GHR: variants seen among roughly 807,000 people sequenced by gnomAD.
GHR encodes GH receptor.
Under a neutral mutation model 67.1 loss-of-function variants are expected in GHR, and 35 were observed. That is an observed-to-expected ratio of 0.52 (90% CI 0.40 to 0.69). The LOEUF (loss-of-function observed/expected upper bound fraction) is 0.69. Ranked by LOEUF, GHR falls within the 30% of genes least tolerant of loss-of-function variation. GHR has a pLI of 0.00. For missense variants in GHR, 792 were observed against 764.6 expected, an observed-to-expected ratio of 1.04 and a Z score of -0.42; for synonymous variants, 272 against 269.1, an observed-to-expected ratio of 1.01 and a Z score of -0.10.
At chr5:42,670,880 A>AATATAT (rs55876651) in intron 3 of GHR, among the ~76,000 whole-genome samples, 35 of 118,188 alleles carry the variant, frequency 3.0e-4, no homozygotes, top group South Asian at 1.7e-3. Context: ...AAAAAAAAAA[A>AATATAT]ATATATATAT....
intron 3 of GHR, among the ~76,000 whole-genome samples, chr5:42,663,274 T>G (rs933060624): frequency 6.6e-6 from 1 of 152,194 alleles, no homozygotes; most frequent in Admixed American, 6.5e-5. Flanking sequence ...TACCAAAGCC[T>G]GGCAGAGACA....
intron 1 of GHR, among the ~76,000 whole-genome samples, chr5:42,564,641 G>A (rs973696579): frequency 1.3e-5 from 2 of 152,136 alleles, no homozygotes; most frequent in African/African-American, 2.4e-5. Flanking sequence ...ATTAAAGTAC[G>A]TCAAGAATTT....
At chr5:42,634,521 GCACACA>G (rs10684580) in intron 3 of GHR, among the ~76,000 whole-genome samples, 1 of 148,820 alleles carries the variant, frequency 6.7e-6, no homozygotes, top group Admixed American at 6.7e-5. Context: ...ATTGAATTTT[GCACACA>G]CACACACACA....
At chr5:42,622,526 G>C (rs1753501091) in intron 2 of GHR, among the ~76,000 whole-genome samples, 1 of 152,146 alleles carries the variant, frequency 6.6e-6, no homozygotes, top group Admixed American at 6.5e-5. Flanking sequence ...AAAATGTAGA[G>C]TGACCAGGGA....
chr5:42,576,053 A>G (rs1249843071), intron 2 of GHR, among the ~76,000 whole-genome samples: 26 of 64,496 alleles, frequency 4.0e-4, no homozygotes, highest in African/African-American at 2.6e-3. Flanking sequence ...AAATAATAAA[A>G]TAAAATAAAA....
chr5:42,450,180 T>A (rs968809468), intron 1 of GHR, among the ~76,000 whole-genome samples: 1 of 152,162 alleles, frequency 6.6e-6, no homozygotes, highest in African/African-American at 2.4e-5. Context: ...TCTTTTTCTA[T>A]CTTTTTGAAT....
chr5:42,505,843 A>G (rs944278977), intron 1 of GHR, among the ~76,000 whole-genome samples: 2 of 152,212 alleles, frequency 1.3e-5, no homozygotes, highest in Non-Finnish European at 2.9e-5. Context: ...GGTCTGGGTT[A>G]TAATCTTGAT....
At chr5:42,511,392 A>G (rs1232642292) in intron 1 of GHR, among the ~76,000 whole-genome samples, 1 of 152,240 alleles carries the variant, frequency 6.6e-6, no homozygotes, top group African/African-American at 2.4e-5. Flanking sequence ...TGGCTGAACC[A>G]CATCCATAAG....
chr5:42,608,764 C>T (rs1752748998), intron 2 of GHR, among the ~76,000 whole-genome samples: 1 of 152,038 alleles, frequency 6.6e-6, no homozygotes, highest in Non-Finnish European at 1.5e-5. Context: ...AGACATGCTA[C>T]CACATATTCT....
intron 1 of GHR, among the ~76,000 whole-genome samples, chr5:42,526,740 C>A (rs1037086419): frequency 1.3e-5 from 2 of 152,096 alleles, no homozygotes; most frequent in African/African-American, 4.8e-5. Context: ...AGAACCCCTG[C>A]AAGATTCTAC....
At chr5:42,692,313 T>A (rs1471728429) in intron 4 of GHR, among the ~76,000 whole-genome samples, 1 of 152,056 alleles carries the variant, frequency 6.6e-6, no homozygotes, top group Admixed American at 6.6e-5. Context: ...TTAATGATAG[T>A]CTCTTTCTAT....
intron 1 of GHR, among the ~76,000 whole-genome samples, chr5:42,544,191 A>T (rs754285626): frequency 6.6e-5 from 10 of 152,118 alleles, no homozygotes; most frequent in Non-Finnish European, 1.3e-4. Flanking sequence ...GGCCTTCCTT[A>T]AAAAGATATG....
intron 3 of GHR, among the ~76,000 whole-genome samples, chr5:42,649,517 A>C (rs1373492260): frequency 6.6e-6 from 1 of 152,226 alleles, no homozygotes; most frequent in Non-Finnish European, 1.5e-5. Flanking sequence ...TTAAAGTAAT[A>C]ACATGCAAGT....
Position 42,588,940 on chromosome 5 carries a change from A to G in GHR, c.70+22996A>G, listed in dbSNP as rs536853222. Among the ~76,000 whole-genome samples, 10 of 152,322 alleles carry G rather than the reference A, an allele frequency of 6.6e-5. No individual in the cohort carries two copies. The South Asian group carries it at 1.9e-3, about 28-fold the overall frequency. ...TAATGTATTTTACTTACAACATATT[A>G]TGAGAAACTACATCACCTGCTTCAC... On this transcript the variant is annotated intron_variant, in intron 2 of 9. Transcript: ENST00000230882.
At chr5:42,432,367 C>T (rs1444199115) in intron 1 of GHR, among the ~76,000 whole-genome samples, 1 of 152,158 alleles carries the variant, frequency 6.6e-6, no homozygotes, top group Non-Finnish European at 1.5e-5. Flanking sequence ...AGAAAAGGTG[C>T]ATAATTGATG....
At chr5:42,523,679 G>A (rs1747573148) in intron 1 of GHR, among the ~76,000 whole-genome samples, 1 of 152,056 alleles carries the variant, frequency 6.6e-6, no homozygotes, top group Non-Finnish European at 1.5e-5. Context: ...ATTGAAATTA[G>A]GAGCGTTAAT....
intron 1 of GHR, among the ~76,000 whole-genome samples, chr5:42,435,665 A>G (rs903262620): frequency 2.0e-5 from 3 of 152,240 alleles, no homozygotes; most frequent in Admixed American, 6.5e-5. Flanking sequence ...GTACAGTACT[A>G]TTAACTAAAA....
intron 2 of GHR, among the ~76,000 whole-genome samples, chr5:42,566,357 A>G (rs1013743935): frequency 6.6e-6 from 1 of 152,176 alleles, no homozygotes; most frequent in African/African-American, 2.4e-5. Flanking sequence ...CTTGTTAATC[A>G]TATTCTCAGA....
intron 2 of GHR, among the ~76,000 whole-genome samples, chr5:42,619,308 C>CTT (rs1201229087): frequency 6.6e-6 from 1 of 152,052 alleles, no homozygotes; most frequent in Non-Finnish European, 1.5e-5. Context: ...CTCACTCTCT[C>CTT]TACTCCTGCC....
Sources: gnomAD v4.1 joint callset for allele counts (sites outside exome capture counted in the v4.1 genomes callset) on GRCh38, gnomAD v4.1.1 for gene constraint, MANE v1.5 for transcripts, NCBI Gene and HGNC (gene_info 2026-07-23, HGNC 2026-07-21) for gene names.